Variants in FYTTD1 observed in about 807,000 individuals in gnomAD.
FYTTD1 encodes UAP56-interacting factor.
Under a neutral mutation model 40.9 loss-of-function variants are expected in FYTTD1, and 22 were observed. The ratio of observed to expected loss-of-function variants is 0.54; its 90% CI spans 0.38 to 0.77. The LOEUF (loss-of-function observed/expected upper bound fraction) is 0.77. Ranked by LOEUF, FYTTD1 falls within the 30% of genes least tolerant of loss-of-function variation. FYTTD1 has a pLI of 0.00. For synonymous variants in FYTTD1, 140 were observed against 137.9 expected (o/e 1.01, Z -0.10); for missense variants, 351 against 392.2 (o/e 0.90, Z 0.89).
At chr3:197,759,186 CTCAGTGGTAGAATGTATAGAGTGTTCT>C (rs1729294538) in intron 2 of FYTTD1, among the ~76,000 whole-genome samples, 1 of 117,576 alleles carries the variant, frequency 8.5e-6, no homozygotes, top group Non-Finnish European at 1.8e-5. Context: ...AGAGTTGTTC[CTCAGTGGTAGAATGTATAGAGTGTTCT>C]TCAGTGGTAG....
chr3:197,774,085 G>T, intron 5 of FYTTD1, 64 bp from the exon 6 acceptor site: 1 of 1,357,784 alleles, frequency 7.4e-7, no homozygotes. Flanking sequence ...TCCAGAGCAG[G>T]ATCGCTCTTT....
chr3:197,766,695 A>C (rs760385006), intron 2 of FYTTD1, among the ~76,000 whole-genome samples: 20 of 152,132 alleles, frequency 1.3e-4, no homozygotes, highest in Admixed American at 5.2e-4. Flanking sequence ...CATCCTTCTC[A>C]GTCTCCCAAA....
At chr3:197,773,603 G>C (rs1026905636) in intron 5 of FYTTD1, 104 bp downstream of exon 5, 1 of 647,768 alleles carries the variant, frequency 1.5e-6, no homozygotes, top group Non-Finnish European at 2.7e-6. Context: ...GCAGCATTGG[G>C]TTCAGGATGT....
chr3:197,769,715 T>A (rs1729659194), intron 3 of FYTTD1, among the ~76,000 whole-genome samples: 1 of 152,222 alleles, frequency 6.6e-6, no homozygotes, highest in Admixed American at 6.5e-5. Flanking sequence ...ACTTGGCTTT[T>A]TTAAATCTAT....
At chr3:197,763,567 A>G in intron 2 of FYTTD1, 2 of 447,478 alleles carry the variant, frequency 4.5e-6, no homozygotes, top group Non-Finnish European at 8.9e-6. Flanking sequence ...GCTTAAGCCA[A>G]GGACTTCAGG....
intron 5 of FYTTD1, 32 bp downstream of exon 5, chr3:197,773,531 G>GT (rs1729778995): frequency 1.6e-6 from 2 of 1,271,464 alleles, no homozygotes; most frequent in Non-Finnish European, 2.2e-6. Context: ...GTTTTTGTTT[G>GT]TTTGTTTGTT....
At chr3:197,774,009 G>A (rs1729797742) in intron 5 of FYTTD1, 140 bp from the exon 6 acceptor site, 6 of 724,594 alleles carry the variant, frequency 8.3e-6, no homozygotes, top group Non-Finnish European at 1.4e-5. Flanking sequence ...CACTGGGTTA[G>A]GAAGTTGTAG....
At chr3:197,758,820 A>G (rs1461893120) in intron 2 of FYTTD1, among the ~76,000 whole-genome samples, 1 of 152,242 alleles carries the variant, frequency 6.6e-6, no homozygotes, top group African/African-American at 2.4e-5. Context: ...TTGTAATGTC[A>G]ATGAGGATGT....
chr3:197,767,441 A>ATG (rs1553909223), intron 2 of FYTTD1, among the ~76,000 whole-genome samples: 1 of 145,084 alleles, frequency 6.9e-6, no homozygotes, highest in African/African-American at 2.5e-5. Flanking sequence ...CCTGGCTGCT[A>ATG]TTTTTTTTTT....
Position 197,767,657 on chromosome 3 carries a change from T to A in FYTTD1, c.236-782T>A, listed in dbSNP as rs559232974. Among the ~76,000 whole-genome samples the A allele has an allele frequency of 1.2e-4, 19 of 152,230 alleles. No individual in the cohort carries two copies. The East Asian group carries it at 3.7e-3, about 29-fold the overall frequency. On this transcript the variant is annotated intron_variant, in intron 2 of 8. Transcript: ENST00000241502. Reference sequence around the variant, plus strand: ...TTTTTAGAGGCGAGGCCTCACTATGTTGCCCAGGCTGGTCTTAAACTCCTG... The same window carrying A: ...TTTTTAGAGGCGAGGCCTCACTATGATGCCCAGGCTGGTCTTAAACTCCTG...
chr3:197,774,465 G>A (rs1729811793), intron 6 of FYTTD1, among the ~76,000 whole-genome samples: 1 of 152,032 alleles, frequency 6.6e-6, no homozygotes, highest in Non-Finnish European at 1.5e-5. Context: ...CTGCACACCA[G>A]CCTGAGCAGC....
In FYTTD1 at chr3:197,778,436, A is replaced by C. The variant is rs1349517851; in HGVS notation, c.830A>C (p.Gln277Pro). 2.5e-6 allele frequency: 4 copies of C among 1,609,946 alleles called. No homozygotes were observed. The highest frequency in any genetic ancestry group is 3.4e-6 in the Non-Finnish European group (4 of 1,177,212). The change falls in exon 8 of 9, where the codon CAG (glutamine) becomes CCG (proline). Residue 277 changes from glutamine (Q) to proline (P), a missense_variant. Transcript: ENST00000241502. ...VKKVPKGVPLQFDINSVGKQT... is the reference protein window; with the variant it reads ...VKKVPKGVPLPFDINSVGKQT... Reference sequence around the variant, plus strand: ...AAAGTTCCTAAAGGTGTTCCCCTGCAGTTTGACATAAACAGTGTCGGAAAA... The same window carrying C: ...AAAGTTCCTAAAGGTGTTCCCCTGCCGTTTGACATAAACAGTGTCGGAAAA...
At chr3:197,779,440 G>A (rs1417455310) in intron 8 of FYTTD1, among the ~76,000 whole-genome samples, 1 of 149,004 alleles carries the variant, frequency 6.7e-6, no homozygotes, top group African/African-American at 2.5e-5. Context: ...AAACCACATT[G>A]ACAATTTTGT....
chr3:197,756,739 G>A (rs187910223), intron 2 of FYTTD1, among the ~76,000 whole-genome samples, 182 bp downstream of exon 2: 10 of 152,290 alleles, frequency 6.6e-5, no homozygotes, highest in Middle Eastern at 3.4e-3. Flanking sequence ...TTCAATAGAC[G>A]TAACACTGTC....
At chr3:197,757,328 G>T (rs1729241302) in intron 2 of FYTTD1, among the ~76,000 whole-genome samples, 1 of 152,102 alleles carries the variant, frequency 6.6e-6, no homozygotes, top group African/African-American at 2.4e-5. Flanking sequence ...AATATTTGTT[G>T]AAATAAAAGA....
At chr3:197,750,103 G>C in intron 1 of FYTTD1, 29 bp downstream of exon 1, 3 of 1,500,918 alleles carry the variant, frequency 2.0e-6, no homozygotes, top group Non-Finnish European at 1.8e-6. Context: ...CCGAGTTGGA[G>C]TGCGGGGGAG....
At chr3:197,761,286 G>A (rs367776116) in intron 2 of FYTTD1, among the ~76,000 whole-genome samples, 2 of 151,892 alleles carry the variant, frequency 1.3e-5, no homozygotes, top group Non-Finnish European at 2.9e-5. Context: ...GTATAGAGTT[G>A]TTCCTCAGTG....
chr3:197,764,862 G>C (rs111642162), intron 2 of FYTTD1, among the ~76,000 whole-genome samples: 122 of 149,916 alleles, frequency 8.1e-4, no homozygotes, highest in Middle Eastern at 3.4e-3. Context: ...TTTTTTTTTG[G>C]GGGGGGAGGA....
intron 6 of FYTTD1, 49 bp from the exon 7 acceptor site, chr3:197,776,878 G>T (rs762234131): frequency 9.8e-6 from 12 of 1,230,572 alleles, no homozygotes. Flanking sequence ...TATACATAGG[G>T]TTTATCAACT....
Sources: allele counts gnomAD v4.1 joint callset (sites outside exome capture counted in the v4.1 genomes callset), GRCh38; gene constraint gnomAD v4.1.1; transcripts MANE v1.5; gene names NCBI Gene and HGNC (gene_info 2026-07-23, HGNC 2026-07-21).